Variants in F3 observed in about 807,000 individuals in gnomAD.
The protein encoded by F3 is coagulation factor III, tissue factor, also known as tissue factor.
In F3, 18 loss-of-function variants were observed where a neutral mutation model predicts 33.5. That is an observed-to-expected ratio of 0.54 (90% CI 0.37 to 0.80). The LOEUF is 0.80. Ranked by LOEUF, F3 falls within the 30% of genes least tolerant of loss-of-function variation. F3 has a pLI of 0.00. For synonymous variants in F3, 147 were observed against 140.7 expected (o/e 1.05, Z -0.32); for missense variants, 353 against 362.1 (o/e 0.97, Z 0.20).
chr1:94,541,330 G>A (rs1218118906), intron 1 of F3, among the ~76,000 whole-genome samples: 1 of 152,214 alleles, frequency 6.6e-6, no homozygotes, highest in African/African-American at 2.4e-5. Context: ...CGGGGTCTGG[G>A]GCGCCAACTC....
chr1:94,535,605 T>C (rs1651578201), intron 3 of F3, among the ~76,000 whole-genome samples: 2 of 152,074 alleles, frequency 1.3e-5, no homozygotes, highest in African/African-American at 4.8e-5. Flanking sequence ...AAAATCAGGA[T>C]ACATGATATA....
chr1:94,529,347 T>C lies in F3; in HGVS notation c.*1113A>G, dbSNP rs1651345989. 1 of 152,624 alleles carries C rather than the reference T, an allele frequency of 6.6e-6. No individual in the cohort carries two copies. The highest frequency in any genetic ancestry group is 1.5e-5 in the Non-Finnish European group (1 of 68,040). 9.5% of individuals were successfully genotyped at this position (152,624 alleles called of 1,614,324 possible). On this transcript the variant is annotated 3_prime_UTR_variant, in exon 6 of 6. Coordinates refer to ENST00000334047, the MANE Select transcript of F3 (RefSeq NM_001993.5). Reference sequence around the variant, plus strand: ...TTCCCAGTCACCTTTATTTAAAGTATATTAAATAAATTATCTCAATATATA... The same window carrying C: ...TTCCCAGTCACCTTTATTTAAAGTACATTAAATAAATTATCTCAATATATA...
chr1:94,539,942 A>G (rs1275172095), intron 2 of F3, among the ~76,000 whole-genome samples: 4 of 152,166 alleles, frequency 2.6e-5, no homozygotes, highest in Non-Finnish European at 5.9e-5. Context: ...AGATTAATTA[A>G]TCTATCATGA....
intron 2 of F3, among the ~76,000 whole-genome samples, chr1:94,538,254 G>C (rs1651668903): frequency 6.6e-6 from 1 of 152,174 alleles, no homozygotes; most frequent in South Asian, 2.1e-4. Context: ...TTCAGCTTTA[G>C]AATTCAGAAC....
chr1:94,532,395 G>A lies in F3; in HGVS notation c.677C>T (p.Pro226Leu), dbSNP rs779829591. The A allele has an allele frequency of 6.2e-7, 1 of 1,614,120 alleles. No homozygotes were observed. Among genetic ancestry groups the A allele is most frequent in the South Asian group, 1.1e-5 (1 of 91,080 alleles). ...ACTCTTCCGGTTAACTGTTCGGGAG[G>A]GAATCACTGCTTGAACACTGAAACA... The part of the protein sequence containing the change: ...NYCFSVQAVI[P>L]SRTVNRKSTD... The change falls in exon 5 of 6, where the codon CCC becomes CTC. Residue 226 changes from proline (P) to leucine (L), a missense_variant. Physicochemically the swap from Pro to Leu is moderately conservative, Grantham distance 98. Coordinates refer to ENST00000334047, the MANE Select transcript of F3 (RefSeq NM_001993.5).
intron 2 of F3, among the ~76,000 whole-genome samples, chr1:94,538,778 A>G (rs373438986): frequency 7.2e-5 from 11 of 152,270 alleles, no homozygotes; most frequent in African/African-American, 2.4e-4. Context: ...GCAGGAGAAG[A>G]GTGCACACCT....
intron 3 of F3, 34 bp from the exon 4 acceptor site, chr1:94,533,302 A>C: frequency 1.3e-6 from 2 of 1,590,854 alleles, no homozygotes; most frequent in South Asian, 2.3e-5. Flanking sequence ...GTTGGAACCA[A>C]AGAATTCTGT....
At chr1:94,541,436 G>T in intron 1 of F3, 101 bp downstream of exon 1, 2 of 948,216 alleles carry the variant, frequency 2.1e-6, no homozygotes, top group Non-Finnish European at 2.9e-6. Context: ...GGGACAACAT[G>T]GGCGCCCCGG....
In F3 at chr1:94,536,027, C is replaced by T; in HGVS notation, c.350G>A (p.Ser117Asn). 2 of 1,614,184 alleles carry T rather than the reference C, an allele frequency of 1.2e-6. No homozygotes were observed. Among genetic ancestry groups the T allele is most frequent in the Non-Finnish European group, 1.7e-6 (2 of 1,180,040 alleles). Residue 117 changes from serine (S) to asparagine (N), a missense_variant, in exon 3 of 6, where the codon AGC (serine) becomes AAC (asparagine). By Grantham distance (46) the Ser-to-Asn change is conservative (BLOSUM62 1). Transcript: ENST00000334047. ...CAGAGGCTCCCCAGCAGAACCGGTG[C>T]TCTCCACATTCCCTGCCGGGTAGGA... ...VFSYPAGNVE[S>N]TGSAGEPLYE...
rs557841566 is a variant in F3 at position 94,540,112 on chromosome 1, C to T, written c.212+145G>A. 15 of 653,704 alleles carry T rather than the reference C, an allele frequency of 2.3e-5. No individual in the cohort carries two copies. The East Asian group carries it at 2.8e-4, about 12-fold the overall frequency. 40.5% of individuals were successfully genotyped at this position (653,704 alleles called of 1,614,324 possible). On this transcript the variant is annotated intron_variant, in intron 2 of 5. Transcript: ENST00000334047. ...TTGCAGGCCTAATAGAGTATGACAC[C>T]GGCCAGCGAATTGCCAAGAATCCCT... is the stretch of plus-strand genomic sequence containing the variant.
intron 5 of F3, among the ~76,000 whole-genome samples, chr1:94,531,565 G>C (rs1375309251): frequency 6.6e-6 from 1 of 152,154 alleles, no homozygotes; most frequent in Non-Finnish European, 1.5e-5. Context: ...GCCTCCCAAA[G>C]TGCAGGGACT....
intron 1 of F3, chr1:94,540,636 C>G (rs1206324464): frequency 2.6e-6 from 1 of 380,496 alleles, no homozygotes; most frequent in Non-Finnish European, 4.8e-6. Context: ...ATGGGCAAAG[C>G]CTTGTTATAA....
chr1:94,532,640 T>G (rs578016975), intron 4 of F3, among the ~76,000 whole-genome samples, 160 bp from the exon 5 acceptor site: 1 of 152,310 alleles, frequency 6.6e-6, no homozygotes, highest in East Asian at 1.9e-4. Flanking sequence ...CAGTTTCCCT[T>G]GATCACTGCT....
chr1:94,536,338 G>A (rs557118651), intron 2 of F3, among the ~76,000 whole-genome samples, 174 bp from the exon 3 acceptor site: 1 of 152,218 alleles, frequency 6.6e-6, no homozygotes, highest in South Asian at 2.1e-4. Flanking sequence ...TTGTTTTGTA[G>A]AGATGGGGTC....
At chr1:94,536,907 T>A (rs1425897550) in intron 2 of F3, among the ~76,000 whole-genome samples, 2 of 152,150 alleles carry the variant, frequency 1.3e-5, no homozygotes, top group Admixed American at 1.3e-4. Context: ...CCTTTACTCA[T>A]GTTACTTCAT....
At chr1:94,535,774 C>T (rs1404163864) in intron 3 of F3, among the ~76,000 whole-genome samples, 191 bp downstream of exon 3, 2 of 152,108 alleles carry the variant, frequency 1.3e-5, no homozygotes, top group South Asian at 4.1e-4. Flanking sequence ...ACACTGTCAT[C>T]AGCTCCAAAG....
chr1:94,538,747 T>C (rs766197735), intron 2 of F3, among the ~76,000 whole-genome samples: 1 of 152,180 alleles, frequency 6.6e-6, no homozygotes, highest in African/African-American at 2.4e-5. Flanking sequence ...TAACCAGGAA[T>C]CTCATTTATT....
At chr1:94,537,628 T>C (rs568290364) in intron 2 of F3, among the ~76,000 whole-genome samples, 2 of 152,342 alleles carry the variant, frequency 1.3e-5, no homozygotes, top group East Asian at 3.9e-4. Context: ...ATGGATTCCA[T>C]TGTCTAAATT....
intron 3 of F3, among the ~76,000 whole-genome samples, chr1:94,534,802 A>C (rs576208504): frequency 1.7e-4 from 26 of 152,316 alleles, no homozygotes; most frequent in Middle Eastern, 6.8e-3. Flanking sequence ...AATATCTTCT[A>C]TCTTGCACCA....
Sources: gnomAD v4.1 joint callset for allele counts (sites outside exome capture counted in the v4.1 genomes callset) on GRCh38, gnomAD v4.1.1 for gene constraint, MANE v1.5 for transcripts, NCBI Gene and HGNC (gene_info 2026-07-23, HGNC 2026-07-21) for gene names.